Variants in GSK3B observed in about 807,000 individuals in gnomAD.
GSK3B encodes glycogen synthase kinase 3 beta, also known as glycogen synthase kinase-3 beta.
A neutral mutation model predicts 56.4 loss-of-function variants in GSK3B; 15 were observed. The ratio of observed to expected loss-of-function variants is 0.27; its 90% CI spans 0.18 to 0.41. The LOEUF is 0.41. Among genes scored for constraint, GSK3B ranks in the 10% least tolerant of loss-of-function variants. The pLI is 1.00. For missense variants in GSK3B, 300 were observed against 513.4 expected, an observed-to-expected ratio of 0.58 and a Z score of 4.02; for synonymous variants, 181 against 188.9, an observed-to-expected ratio of 0.96 and a Z score of 0.34.
intron 1 of GSK3B, among the ~76,000 whole-genome samples, chr3:120,082,656 T>C (rs762184836): frequency 9.9e-5 from 15 of 151,864 alleles, no homozygotes; most frequent in Non-Finnish European, 1.9e-4. Flanking sequence ...GGTCTCCCAA[T>C]GTGCTGGGAT....
chr3:120,070,844 G>A (rs1228322653), intron 1 of GSK3B, among the ~76,000 whole-genome samples: 1 of 152,132 alleles, frequency 6.6e-6, no homozygotes, highest in Non-Finnish European at 1.5e-5. Flanking sequence ...AGTTCAAAAG[G>A]GCAAAAACTT....
At chr3:119,904,131 T>C (rs2056657485) in intron 7 of GSK3B, among the ~76,000 whole-genome samples, 1 of 151,652 alleles carries the variant, frequency 6.6e-6, no homozygotes, top group Non-Finnish European at 1.5e-5. Context: ...ACTTCATCAA[T>C]AAAAAAATTT....
intron 6 of GSK3B, among the ~76,000 whole-genome samples, chr3:119,906,233 G>A (rs537997546): frequency 6.6e-6 from 1 of 152,156 alleles, no homozygotes; most frequent in Non-Finnish European, 1.5e-5. Flanking sequence ...ACTTACAGAG[G>A]AGCAGCAAGG....
chr3:119,844,223 C>A (rs566437745), intron 9 of GSK3B, among the ~76,000 whole-genome samples: 3 of 152,044 alleles, frequency 2.0e-5, no homozygotes, highest in African/African-American at 7.2e-5. Context: ...CAGGAGAAAG[C>A]AGGAAAGATG....
intron 1 of GSK3B, among the ~76,000 whole-genome samples, chr3:120,011,385 TCCAGCCACTGAGCCTAGGAATGTCTATC>T (rs1221742215): frequency 6.6e-6 from 1 of 152,148 alleles, no homozygotes. Flanking sequence ...ATCTCTTCAC[TCCAGCCACTGAGCCTAGGAATGTCTATC>T]CCAGCATCAT....
intron 8 of GSK3B, among the ~76,000 whole-genome samples, chr3:119,864,314 T>C (rs1486594809): frequency 1.3e-5 from 2 of 152,186 alleles, no homozygotes; most frequent in Non-Finnish European, 2.9e-5. Flanking sequence ...CTGAAGGCTA[T>C]ATTGAAGAAA....
intron 1 of GSK3B, among the ~76,000 whole-genome samples, chr3:120,040,116 G>A (rs960154559): frequency 1.3e-5 from 2 of 152,224 alleles, no homozygotes; most frequent in Non-Finnish European, 2.9e-5. Context: ...ACAGACCAAA[G>A]TCAGAAGGTC....
Position 120,093,529 on chromosome 3 carries a change from T to A in GSK3B, c.-95A>T. The A allele has an allele frequency of 1.3e-6, 1 of 783,030 alleles. No homozygotes were observed. The highest frequency in any genetic ancestry group is 2.2e-6 in the Non-Finnish European group (1 of 448,634). The allele number at this position is 783,030 out of a possible 1,614,324, so 48.5% of individuals were successfully genotyped here. On this transcript the variant is annotated 5_prime_UTR_variant, in exon 1 of 11. Transcript: ENST00000264235. The stretch of plus-strand genomic sequence containing the variant: ...GTTAGGTTAACGATAAATGCAGCAT[T>A]AAGTTCTCCCACAGAAGAAAAAGAA...
chr3:119,919,847 G>GACACAC (rs150749634), intron 4 of GSK3B, among the ~76,000 whole-genome samples: 5 of 148,480 alleles, frequency 3.4e-5, no homozygotes, highest in Non-Finnish European at 6.0e-5. Flanking sequence ...TAAAGAAGGT[G>GACACAC]ACACACACAC....
intron 7 of GSK3B, among the ~76,000 whole-genome samples, chr3:119,900,924 T>C (rs2056618211): frequency 6.6e-6 from 1 of 151,982 alleles, no homozygotes; most frequent in South Asian, 2.1e-4. Context: ...TTTTTGTCTA[T>C]TTGTCTGTGC....
chr3:119,858,876 A>G (rs1462111159), intron 9 of GSK3B, among the ~76,000 whole-genome samples: 1 of 152,162 alleles, frequency 6.6e-6, no homozygotes, highest in Non-Finnish European at 1.5e-5. Flanking sequence ...GGAAGATCCA[A>G]GAAGAGGGAG....
intron 10 of GSK3B, among the ~76,000 whole-genome samples, chr3:119,835,748 G>C (rs2055681799): frequency 6.6e-6 from 1 of 151,904 alleles, no homozygotes. Context: ...AAAACAGGAA[G>C]AACAAGTTTA....
At chr3:120,003,020 G>A (rs927456461) in intron 1 of GSK3B, among the ~76,000 whole-genome samples, 3 of 152,104 alleles carry the variant, frequency 2.0e-5, no homozygotes, top group African/African-American at 4.8e-5. Context: ...GGCTTTGAGT[G>A]TTTGCTTCCC....
chr3:120,027,194 G>A (rs2057935611), intron 1 of GSK3B, among the ~76,000 whole-genome samples: 2 of 151,334 alleles, frequency 1.3e-5, no homozygotes, highest in Admixed American at 1.3e-4. Context: ...GGCCAACATG[G>A]TGAAGCCCTG....
Position 119,925,245 on chromosome 3 carries a change from C to T in GSK3B, c.367-1762G>A, listed in dbSNP as rs903123634. On this transcript the variant is annotated intron_variant, in intron 3 of 10. Coordinates refer to ENST00000264235, the MANE Select transcript of GSK3B (RefSeq NM_001146156.2). ...TTGGGAGAAGGAGGTGGGAGAATGG[C>T]TTCAGCCTGGGAGGCAAAGGTTGCA... Among the ~76,000 whole-genome samples, 19 of 152,188 alleles carry T rather than the reference C, an allele frequency of 1.2e-4. 1 individual carries two copies. Among genetic ancestry groups the T allele is most frequent in the Admixed American group, 2.0e-4 (3 of 15,258 alleles).
At chr3:119,887,642 T>TGGTGGGAAGTATGG (rs2056453142) in intron 7 of GSK3B, among the ~76,000 whole-genome samples, 2 of 152,132 alleles carry the variant, frequency 1.3e-5, no homozygotes, top group Admixed American at 6.6e-5. Context: ...TTGAGTCTGA[T>TGGTGGGAAGTATGG]GGTGGGAAGT....
At chr3:119,840,897 G>T (rs140766830) in intron 10 of GSK3B, among the ~76,000 whole-genome samples, 1 of 152,190 alleles carries the variant, frequency 6.6e-6, no homozygotes, top group African/African-American at 2.4e-5. Context: ...AGCAGGGCCA[G>T]AAACACCGTT....
chr3:119,847,159 G>A (rs1411321509), intron 9 of GSK3B, among the ~76,000 whole-genome samples: 1 of 151,940 alleles, frequency 6.6e-6, no homozygotes, highest in Non-Finnish European at 1.5e-5. Flanking sequence ...GAAGGGGGAG[G>A]GATAGCATTA....
chr3:119,884,673 T>A (rs2056415050), intron 7 of GSK3B, among the ~76,000 whole-genome samples: 1 of 142,250 alleles, frequency 7.0e-6, no homozygotes, highest in Non-Finnish European at 1.5e-5. Flanking sequence ...ATTTAAAAAG[T>A]CATTTTCTTA....
Sources: allele counts gnomAD v4.1 joint callset (sites outside exome capture counted in the v4.1 genomes callset), GRCh38; gene constraint gnomAD v4.1.1; transcripts MANE v1.5; gene names NCBI Gene and HGNC (gene_info 2026-07-23, HGNC 2026-07-21).